The following VWDE variants were observed in gnomAD, a reference collection of about 807,000 sequenced individuals.
VWDE encodes von Willebrand factor D and EGF domains.
VWDE carries 207 observed loss-of-function variants against 178.4 expected under a neutral mutation model. The observed-to-expected ratio is 1.16, with a 90% confidence interval of 1.04 to 1.30. The LOEUF is 1.30. VWDE is among the 50% of genes most tolerant of loss of function. The probability of loss-of-function intolerance (pLI) is 0.00; values close to 1 mark genes in which losing one functional copy is unlikely to be tolerated. For missense variants in VWDE, 2,287 were observed against 1,901.3 expected (o/e 1.20, Z -3.77); for synonymous variants, 738 against 651.4 (o/e 1.13, Z -2.02).
chr7:12,355,305 A>C lies in VWDE; in HGVS notation c.3745+806T>G, dbSNP rs1165786984. On this transcript the variant is annotated intron_variant, in intron 18 of 28. Coordinates refer to ENST00000275358, the MANE Select transcript of VWDE (RefSeq NM_001135924.3). ...GTGGCGGGCGCCTGTAGTCCCAGCC[A>C]CTCGGGAGGCTGAGGCAAGAGAATG... is the stretch of plus-strand genomic sequence containing the variant. Among the ~76,000 whole-genome samples the C allele has an allele frequency of 3.3e-5, 5 of 151,744 alleles. No individual in the cohort carries two copies. In the East Asian group the frequency reaches 9.7e-4, roughly 29 times the overall value.
intron 23 of VWDE, 71 bp from the exon 24 acceptor site, chr7:12,340,488 G>A (rs1167288446): frequency 1.3e-5 from 13 of 1,015,810 alleles, no homozygotes; most frequent in Non-Finnish European, 1.8e-5. Context: ...GCACAGAAGT[G>A]CAAAATGGTG....
Position 12,361,500 on chromosome 7 carries a change from G to A in VWDE, c.2920C>T (p.Pro974Ser), listed in dbSNP as rs1255026061. Residue 974 changes from proline to serine, a missense_variant, in exon 14 of 29, where the codon CCT (proline) becomes TCT (serine). By Grantham distance (74) the Pro-to-Ser change is moderately conservative. Transcript: ENST00000275358. The stretch of plus-strand genomic sequence containing the variant: ...GTCTGTGTATAGATGGGTTCTCCAG[G>A]CATCCATTCACTGCTATTATACTGA... ...KLQYNSSEWM[P>S]GEPIYTQTVF... 12 of 1,548,560 alleles carry A rather than the reference G, an allele frequency of 7.7e-6. No individual in the cohort carries two copies. The highest frequency in any genetic ancestry group is 1.0e-5 in the Non-Finnish European group (12 of 1,145,818).
intron 20 of VWDE, 33 bp from the exon 21 acceptor site, chr7:12,344,323 T>C (rs1388286617): frequency 1.3e-6 from 2 of 1,550,302 alleles, no homozygotes; most frequent in East Asian, 4.9e-5. Context: ...TTTAGACATA[T>C]CAATTACCAA....
chr7:12,380,422 T>C (rs1783780476), intron 5 of VWDE, 64 bp downstream of exon 5: 8 of 1,513,192 alleles, frequency 5.3e-6, no homozygotes, highest in Non-Finnish European at 7.1e-6. Flanking sequence ...GATATGATGT[T>C]TAAAAATCGT....
At chr7:12,403,316 G>C (rs896049994) in intron 1 of VWDE, among the ~76,000 whole-genome samples, 3 of 152,188 alleles carry the variant, frequency 2.0e-5, no homozygotes, top group Admixed American at 6.5e-5. Flanking sequence ...CTTGCGGCTA[G>C]CATACCTTGC....
At chr7:12,384,904 C>T (rs552839554) in intron 3 of VWDE, among the ~76,000 whole-genome samples, 15 of 152,070 alleles carry the variant, frequency 9.9e-5, no homozygotes, top group Non-Finnish European at 2.1e-4. Flanking sequence ...ATATAGTATA[C>T]ATTTTTAACT....
At chr7:12,398,153 C>T (rs1178775857) in intron 1 of VWDE, among the ~76,000 whole-genome samples, 1 of 152,180 alleles carries the variant, frequency 6.6e-6, no homozygotes, top group Admixed American at 6.5e-5. Context: ...GACATGGAAT[C>T]AGCCATGGTG....
intron 19 of VWDE, among the ~76,000 whole-genome samples, chr7:12,349,196 T>C (rs1219467776): frequency 2.0e-5 from 3 of 151,660 alleles, no homozygotes; most frequent in African/African-American, 7.3e-5. Context: ...CTACACATTG[T>C]GCACATGTAC....
chr7:12,348,296 A>T (rs1431845663), intron 19 of VWDE, among the ~76,000 whole-genome samples: 1 of 148,956 alleles, frequency 6.7e-6, no homozygotes, highest in African/African-American at 2.5e-5. Context: ...GCAACCTACA[A>T]AATGGGAGAA....
At chr7:12,378,155 C>A (rs1253452984) in intron 6 of VWDE, among the ~76,000 whole-genome samples, 1 of 152,182 alleles carries the variant, frequency 6.6e-6, no homozygotes, top group Non-Finnish European at 1.5e-5. Context: ...GGTTCCCCAA[C>A]ACATTTGGCA....
At position 12,370,815 on chromosome 7, in the gene VWDE, C is replaced by T; in HGVS notation, c.1637G>A (p.Gly546Asp). Residue 546 changes from glycine to aspartate, a missense_variant, in exon 11 of 29, where the codon GGC becomes GAC. Transcript: ENST00000275358. ...AGGGGCTCTGATCGTTAGACTCATG[C>T]CCCATTCACCAAGATCAGCACGGAT... ...AFIRADLGEW[G>D]MSLTIRAPSV... 6.4e-7 allele frequency: 1 copy of T among 1,550,948 alleles called. No individual in the cohort carries two copies. Among genetic ancestry groups the T allele is most frequent in the Non-Finnish European group, 8.7e-7 (1 of 1,146,594 alleles).
At chr7:12,402,672 C>T (rs1353564958) in intron 1 of VWDE, among the ~76,000 whole-genome samples, 1 of 147,482 alleles carries the variant, frequency 6.8e-6, no homozygotes, top group East Asian at 2.0e-4. Flanking sequence ...TTTAGTAACG[C>T]TGTAAGCAAA....
At chr7:12,362,081 G>A (rs1158981926) in intron 13 of VWDE, among the ~76,000 whole-genome samples, 2 of 152,016 alleles carry the variant, frequency 1.3e-5, no homozygotes, top group African/African-American at 2.4e-5. Context: ...TGTCATGTCA[G>A]TTGGCCTCTG....
At chr7:12,348,274 C>T (rs1200022311) in intron 19 of VWDE, among the ~76,000 whole-genome samples, 1 of 148,816 alleles carries the variant, frequency 6.7e-6, no homozygotes, top group Non-Finnish European at 1.5e-5. Context: ...AAACTACCAT[C>T]AGAGTGAACA....
chr7:12,396,847 A>C (rs1457223803), intron 1 of VWDE, among the ~76,000 whole-genome samples: 3 of 152,218 alleles, frequency 2.0e-5, no homozygotes, highest in Non-Finnish European at 4.4e-5. Flanking sequence ...AGGCAGGAGA[A>C]TCACTTGAAC....
chr7:12,365,519 G>A (rs1782810364), intron 13 of VWDE, among the ~76,000 whole-genome samples: 1 of 152,068 alleles, frequency 6.6e-6, no homozygotes, highest in African/African-American at 2.4e-5. Flanking sequence ...AATCTTCGAA[G>A]GGAACTGAAA....
At chr7:12,335,752 G>A (rs912425113) in intron 27 of VWDE, among the ~76,000 whole-genome samples, 14 of 152,144 alleles carry the variant, frequency 9.2e-5, no homozygotes, top group African/African-American at 3.4e-4. Context: ...ACTGCACCCG[G>A]CCTAGAGTGA....
At chr7:12,374,318 T>G (rs2128556688) in intron 9 of VWDE, among the ~76,000 whole-genome samples, 1 of 152,228 alleles carries the variant, frequency 6.6e-6, no homozygotes, top group South Asian at 2.1e-4. Context: ...TTCTAATATG[T>G]TTAATCATTT....
At chr7:12,344,938 T>A (rs1188147502) in intron 19 of VWDE, among the ~76,000 whole-genome samples, 2 of 152,022 alleles carry the variant, frequency 1.3e-5, no homozygotes, top group Admixed American at 6.6e-5. Context: ...CAGACCACAA[T>A]GTTAATCAGA....
Sources: allele counts gnomAD v4.1 joint callset (sites outside exome capture counted in the v4.1 genomes callset), GRCh38; gene constraint gnomAD v4.1.1; transcripts MANE v1.5; gene names NCBI Gene and HGNC (gene_info 2026-07-23, HGNC 2026-07-21).